FKBP6: variants seen among roughly 807,000 people sequenced by gnomAD.
FKBP6 encodes inactive peptidyl-prolyl cis-trans isomerase FKBP6.
FKBP6 carries 29 observed loss-of-function variants against 41.7 expected under a neutral mutation model. That is an observed-to-expected ratio of 0.70 (90% CI 0.52 to 0.95). The LOEUF is 0.95. FKBP6 is among the 40% of genes least tolerant of loss of function. The probability of loss-of-function intolerance (pLI) is 0.00; values close to 1 mark genes in which losing one functional copy is unlikely to be tolerated. For missense variants in FKBP6, 338 were observed against 408.7 expected (o/e 0.83, Z 1.49); for synonymous variants, 130 against 165.1 (o/e 0.79, Z 1.63).
chr7:73,338,416 G>A (rs998821026), intron 5 of FKBP6, among the ~76,000 whole-genome samples: 9 of 152,202 alleles, frequency 5.9e-5, no homozygotes, highest in Admixed American at 2.0e-4. Flanking sequence ...TTTCCACTTC[G>A]TGATTATTAT....
intron 8 of FKBP6, among the ~76,000 whole-genome samples, chr7:73,356,938 G>A (rs1302128514): frequency 1.3e-5 from 2 of 152,040 alleles, no homozygotes; most frequent in Admixed American, 6.6e-5. Context: ...CTGCCACCAC[G>A]CCCAGCTAAT....
chr7:73,342,994 G>A, intron 8 of FKBP6, 95 bp downstream of exon 8: 1 of 851,010 alleles, frequency 1.2e-6, no homozygotes, highest in Admixed American at 1.8e-5. Flanking sequence ...CTGCAGCTGA[G>A]GGTGGACGAG....
chr7:73,340,917 CTTTTTTTTTT>C, intron 6 of FKBP6, 85 bp downstream of exon 6: 4 of 482,524 alleles, frequency 8.3e-6, no homozygotes, highest in Non-Finnish European at 1.4e-5. Flanking sequence ...AAAATGCTGT[CTTTTTTTTTT>C]TTTTTTTTTT....
At chr7:73,350,142 C>T (rs1323547910) in intron 8 of FKBP6, among the ~76,000 whole-genome samples, 1 of 152,226 alleles carries the variant, frequency 6.6e-6, no homozygotes, top group African/African-American at 2.4e-5. Context: ...AAACGATGTG[C>T]AGCTTAAGAG....
chr7:73,356,771 T>C (rs1805643718), intron 8 of FKBP6, among the ~76,000 whole-genome samples: 2 of 152,186 alleles, frequency 1.3e-5, no homozygotes, highest in South Asian at 4.1e-4. Flanking sequence ...TGTCTTCTCC[T>C]CTTGTATCTT....
At chr7:73,329,586 C>A (rs543660366) in intron 3 of FKBP6, 137 bp downstream of exon 3, 96 of 733,764 alleles carry the variant, frequency 1.3e-4, no homozygotes, top group South Asian at 6.8e-4. Flanking sequence ...GGTAACACAG[C>A]CATGTTCTCT....
At chr7:73,337,305 T>C (rs1335102715) in intron 5 of FKBP6, among the ~76,000 whole-genome samples, 2 of 148,730 alleles carry the variant, frequency 1.3e-5, no homozygotes, top group Non-Finnish European at 3.0e-5. Context: ...AGTTCTTCCA[T>C]GTTCTTTTTT....
At chr7:73,355,001 G>C (rs143347100) in intron 8 of FKBP6, among the ~76,000 whole-genome samples, 1 of 152,214 alleles carries the variant, frequency 6.6e-6, no homozygotes, top group Non-Finnish European at 1.5e-5. Context: ...CCTCCAGCCC[G>C]TGGCTCCGCG....
At chr7:73,334,077 A>G (rs1255706692) in intron 5 of FKBP6, among the ~76,000 whole-genome samples, 1 of 152,218 alleles carries the variant, frequency 6.6e-6, no homozygotes, top group Middle Eastern at 3.2e-3. Flanking sequence ...CATCTCAAAA[A>G]AAAAGGTCTT....
intron 8 of FKBP6, among the ~76,000 whole-genome samples, chr7:73,347,401 A>G (rs1392099287): frequency 6.6e-6 from 1 of 152,212 alleles, no homozygotes; most frequent in African/African-American, 2.4e-5. Context: ...CAAACGCTGC[A>G]TATACACAGG....
chr7:73,338,650 T>A (rs1805081032), intron 5 of FKBP6, among the ~76,000 whole-genome samples: 1 of 152,254 alleles, frequency 6.6e-6, no homozygotes, highest in East Asian at 1.9e-4. Flanking sequence ...ATTTTATATT[T>A]TTAAAGTTAG....
chr7:73,354,659 A>G (rs1805579864), intron 8 of FKBP6, among the ~76,000 whole-genome samples: 1 of 152,184 alleles, frequency 6.6e-6, no homozygotes, highest in Admixed American at 6.5e-5. Flanking sequence ...AACCAGTTGA[A>G]TGGTTTCAGG....
chr7:73,335,016 G>T (rs1276218026), intron 5 of FKBP6, among the ~76,000 whole-genome samples: 1 of 151,530 alleles, frequency 6.6e-6, no homozygotes, highest in African/African-American at 2.4e-5. Flanking sequence ...GTTAAGGAAG[G>T]TCCTTGTCAT....
At chr7:73,351,824 C>T (rs1341695125) in intron 8 of FKBP6, among the ~76,000 whole-genome samples, 1 of 152,150 alleles carries the variant, frequency 6.6e-6, no homozygotes, top group Non-Finnish European at 1.5e-5. Context: ...GCTGATCGTC[C>T]ACAATCATGG....
At chr7:73,354,839 C>T (rs1554551662) in intron 8 of FKBP6, among the ~76,000 whole-genome samples, 4 of 152,138 alleles carry the variant, frequency 2.6e-5, no homozygotes, top group African/African-American at 9.7e-5. Flanking sequence ...TCTAGTTCCC[C>T]GTTGCAGGGT....
chr7:73,354,272 C>T (rs1442794700), intron 8 of FKBP6, among the ~76,000 whole-genome samples: 4 of 152,198 alleles, frequency 2.6e-5, no homozygotes, highest in Admixed American at 1.3e-4. Flanking sequence ...GGGAAGTAAT[C>T]GCACTCCCTG....
rs1805702515 is a variant in FKBP6, at chr7:73,358,604, A to G, written c.*426A>G. 1.3e-5 allele frequency: 2 copies of G among 152,604 alleles called. No individual in the cohort carries two copies. The highest frequency in any genetic ancestry group is 2.9e-5 in the Non-Finnish European group (2 of 68,040). The allele number at this position is 152,604 out of a possible 1,614,324, so 9.5% of individuals were successfully genotyped here. On this transcript the variant is annotated 3_prime_UTR_variant, in exon 9 of 9. Transcript: ENST00000252037. ...CAAATGTTTTTGTTGTAAATAAATA[A>G]AACACTTCCTTGTCCTTGCAAGATC...
At chr7:73,339,679 T>C (rs1805114172) in intron 5 of FKBP6, among the ~76,000 whole-genome samples, 2 of 149,336 alleles carry the variant, frequency 1.3e-5, no homozygotes, top group African/African-American at 5.0e-5. Context: ...AGTGGTGTGG[T>C]CTCGGTTCAC....
intron 7 of FKBP6, 149 bp downstream of exon 7, chr7:73,341,531 C>T (rs1474544500): frequency 1.0e-5 from 7 of 676,420 alleles, no homozygotes; most frequent in Non-Finnish European, 1.9e-5. Context: ...CTGAAGTGCT[C>T]GGCCGTGCGC....
Sources: allele counts gnomAD v4.1 joint callset (sites outside exome capture counted in the v4.1 genomes callset), GRCh38; gene constraint gnomAD v4.1.1; transcripts MANE v1.5; gene names NCBI Gene and HGNC (gene_info 2026-07-23, HGNC 2026-07-21).